Variants in CIMIP2A observed in about 807,000 individuals in gnomAD.
CIMIP2A encodes the protein family with sequence similarity 166 member A.
chr9:137,252,847 C>T, the CIMIP2A span: 3 of 1,576,230 alleles, frequency 1.9e-6, no homozygotes, highest in Admixed American at 1.8e-5. Flanking sequence ...AGGCACCTGG[C>T]AAGAGATGCC....
At chr9:137,244,896 A>G in the CIMIP2A span, 20 of 1,580,534 alleles carry the variant, frequency 1.3e-5, no homozygotes, top group South Asian at 2.2e-4. Context: ...CAGGCAGGCA[A>G]GGCACCGCCT....
At chr9:137,245,884 G>T in the CIMIP2A span, 2 of 1,470,688 alleles carry the variant, frequency 1.4e-6, no homozygotes, top group Admixed American at 2.4e-5. Flanking sequence ...GGCAGGGCAG[G>T]TCTCAAGGGC....
the CIMIP2A span, chr9:137,244,481 G>A: frequency 2.7e-6 from 4 of 1,495,696 alleles, no homozygotes; most frequent in African/African-American, 1.4e-5. Context: ...AGGAGAGAGG[G>A]GTTGGGGCGG....
chr9:137,243,748 G>GGTGCTGTTGCCGAAT, the CIMIP2A span: 7 of 1,614,112 alleles, frequency 4.3e-6, no homozygotes, highest in Non-Finnish European at 5.9e-6. Context: ...AGGCCCTCCG[G>GGTGCTGTTGCCGAAT]GTGCTGTTGC....
At chr9:137,245,477 C>T in the CIMIP2A span, 3 of 1,613,910 alleles carry the variant, frequency 1.9e-6, no homozygotes, top group Non-Finnish European at 2.5e-6. Flanking sequence ...GGTATGTTCT[C>T]TACCCCTGGC....
the CIMIP2A span, chr9:137,252,225 C>T: frequency 6.6e-7 from 1 of 1,506,876 alleles, no homozygotes; most frequent in South Asian, 1.3e-5. Flanking sequence ...ACCCCCACGG[C>T]CTGAGGGCCC....
chr9:137,247,590 C>T, the CIMIP2A span: 1 of 1,473,306 alleles, frequency 6.8e-7, no homozygotes, highest in Non-Finnish European at 9.4e-7. Flanking sequence ...GCCTCCATGC[C>T]TCAGGCCCCA....
chr9:137,245,926 C>T, the CIMIP2A span: 1,075 of 1,265,192 alleles, frequency 8.5e-4, 1 homozygote, highest in Admixed American at 2.2e-3. Flanking sequence ...CCCTTCAAGC[C>T]AGATGTGGAT....
At chr9:137,253,925 A>C in the CIMIP2A span, among the ~76,000 whole-genome samples, 1 of 151,836 alleles carries the variant, frequency 6.6e-6, no homozygotes, top group African/African-American at 2.4e-5. Context: ...TGCCCTGAAC[A>C]CTCTGGCCCA....
At chr9:137,247,425 C>T in the CIMIP2A span, among the ~76,000 whole-genome samples, 53 of 152,370 alleles carry the variant, frequency 3.5e-4, no homozygotes, top group Middle Eastern at 3.4e-3. Flanking sequence ...GTATCGAGTT[C>T]GCAGCTGCAC....
At chr9:137,245,501 C>T in the CIMIP2A span, 1 of 1,613,812 alleles carries the variant, frequency 6.2e-7, no homozygotes, top group East Asian at 2.2e-5. Context: ...TCCTGGGCGT[C>T]CACCTCCAAG....
chr9:137,245,250 C>G, the CIMIP2A span: 1 of 1,576,852 alleles, frequency 6.3e-7, no homozygotes, highest in African/African-American at 1.4e-5. Flanking sequence ...GGTCACGGTG[C>G]AGCTCCCACC....
chr9:137,245,271 C>T, the CIMIP2A span: 6,479 of 1,573,032 alleles, frequency 4.1e-3, 95 homozygotes, highest in African/African-American at 0.049. Context: ...TGGGGCTGAG[C>T]GGAATGGGCT....
chr9:137,245,244 A>G, the CIMIP2A span: 2 of 1,574,662 alleles, frequency 1.3e-6, no homozygotes, highest in South Asian at 1.1e-5. Flanking sequence ...AGCGGAGGTC[A>G]CGGTGCAGCT....
chr9:137,245,670 G>T, the CIMIP2A span: 1 of 1,606,602 alleles, frequency 6.2e-7, no homozygotes, highest in East Asian at 2.2e-5. Context: ...GCTCCGTCAG[G>T]TCTTGGCAGG....
At chr9:137,253,298 C>T in the CIMIP2A span, 1 of 1,567,382 alleles carries the variant, frequency 6.4e-7, no homozygotes. Context: ...ACCATGGCCT[C>T]CCCCGGGGCT....
the CIMIP2A span, chr9:137,244,090 G>T: frequency 7.2e-7 from 1 of 1,381,832 alleles, no homozygotes; most frequent in Non-Finnish European, 1.0e-6. Context: ...TCCTGAACCA[G>T]CAATGAAGGG....
the CIMIP2A span, chr9:137,244,489 C>A: frequency 6.2e-5 from 92 of 1,494,198 alleles, no homozygotes; most frequent in Non-Finnish European, 8.1e-5. Context: ...GGGGTTGGGG[C>A]GGCACCTCCG....
chr9:137,248,739 G>A, the CIMIP2A span, among the ~76,000 whole-genome samples: 3 of 152,206 alleles, frequency 2.0e-5, no homozygotes, highest in Admixed American at 1.3e-4. Flanking sequence ...CATGGTGAAT[G>A]TGCCTGTGAT....
Sources: gnomAD v4.1 joint callset for allele counts (sites outside exome capture counted in the v4.1 genomes callset) on GRCh38, gnomAD v4.1.1 for gene constraint, MANE v1.5 for transcripts, NCBI Gene and HGNC (gene_info 2026-07-23, HGNC 2026-07-21) for gene names.